PRKG1: variants seen among roughly 807,000 people sequenced by gnomAD.
PRKG1 encodes the protein protein kinase cGMP-dependent 1.
Under a neutral mutation model 88.1 loss-of-function variants are expected in PRKG1, and 35 were observed. The observed-to-expected ratio is 0.40, with a 90% CI of 0.30 to 0.53. The LOEUF is 0.53. PRKG1 is among the 20% of genes least tolerant of loss of function. PRKG1 has a pLI of 0.59. For missense variants in PRKG1, 540 were observed against 839.8 expected (o/e 0.64, Z 4.41); for synonymous variants, 303 against 292.5 (o/e 1.04, Z -0.37).
chr10:51,007,115 T>G (rs1056280923), intron 1 of PRKG1, among the ~76,000 whole-genome samples: 1 of 151,942 alleles, frequency 6.6e-6, no homozygotes, highest in Admixed American at 6.6e-5. Context: ...ATTTTTGTAT[T>G]TTTAGTAGAG....
chr10:51,561,002 T>C (rs552682120), intron 3 of PRKG1, among the ~76,000 whole-genome samples: 1 of 151,928 alleles, frequency 6.6e-6, no homozygotes, highest in East Asian at 1.9e-4. Flanking sequence ...ATCCTAGTGA[T>C]TTGGGAGTCT....
chr10:51,364,634 A>G (rs898410295), intron 2 of PRKG1, among the ~76,000 whole-genome samples: 8 of 152,006 alleles, frequency 5.3e-5, no homozygotes, highest in Admixed American at 5.3e-4. Context: ...GAAAATACCT[A>G]GCCAAGCTCA....
chr10:51,909,651 C>G (rs764669176), intron 5 of PRKG1: 1 of 152,060 alleles, frequency 6.6e-6, no homozygotes, highest in Non-Finnish European at 1.5e-5. Flanking sequence ...AGGCATAAGG[C>G]CTTGACTGAT....
intron 5 of PRKG1, among the ~76,000 whole-genome samples, chr10:51,929,767 A>G (rs893283752): frequency 6.6e-6 from 1 of 152,168 alleles, no homozygotes; most frequent in African/African-American, 2.4e-5. Context: ...GCTTCCTCTT[A>G]GAGGATACTA....
intron 4 of PRKG1, among the ~76,000 whole-genome samples, chr10:51,853,734 A>G (rs1168351550): frequency 6.6e-6 from 1 of 152,110 alleles, no homozygotes; most frequent in Non-Finnish European, 1.5e-5. Context: ...CATCATATAT[A>G]TTTATTACCA....
chr10:52,171,125 GTTTTTTTTTTTTT>G (rs768183110), intron 9 of PRKG1, among the ~76,000 whole-genome samples: 1 of 79,954 alleles, frequency 1.3e-5, no homozygotes, highest in Non-Finnish European at 4.1e-5. Context: ...TTATTGGTGT[GTTTTTTTTTTTTT>G]TGGTTTTGTT....
intron 7 of PRKG1, among the ~76,000 whole-genome samples, chr10:52,065,285 A>C (rs1846329763): frequency 6.6e-6 from 1 of 152,146 alleles, no homozygotes; most frequent in African/African-American, 2.4e-5. Context: ...ACAACCAATA[A>C]ACATTTATTT....
At chr10:51,625,479 TA>T (rs935069822) in intron 3 of PRKG1, among the ~76,000 whole-genome samples, 8 of 151,704 alleles carry the variant, frequency 5.3e-5, no homozygotes, top group African/African-American at 1.9e-4. Flanking sequence ...TCTGTCTCAA[TA>T]AAAAAGAAAG....
intron 3 of PRKG1, among the ~76,000 whole-genome samples, chr10:51,566,331 G>A (rs921986416): frequency 3.3e-5 from 5 of 152,052 alleles, no homozygotes; most frequent in African/African-American, 7.2e-5. Flanking sequence ...TGGGCCTGCA[G>A]CAAAGACTTC....
intron 2 of PRKG1, among the ~76,000 whole-genome samples, chr10:51,342,689 A>G (rs1842027508): frequency 6.6e-6 from 1 of 152,206 alleles, no homozygotes; most frequent in Non-Finnish European, 1.5e-5. Context: ...TTTAAATTAT[A>G]CAATAGACTT....
intron 2 of PRKG1, among the ~76,000 whole-genome samples, chr10:51,215,039 C>T (rs1171184525): frequency 2.0e-5 from 3 of 152,090 alleles, no homozygotes; most frequent in East Asian, 1.9e-4. Flanking sequence ...ACAGCGTGGG[C>T]GGCTAACTTC....
intron 5 of PRKG1, among the ~76,000 whole-genome samples, chr10:52,002,725 A>C (rs1844630874): frequency 6.6e-6 from 1 of 152,202 alleles, no homozygotes; most frequent in East Asian, 1.9e-4. Context: ...TAATACATCA[A>C]GATATAAATG....
intron 3 of PRKG1, among the ~76,000 whole-genome samples, chr10:51,503,756 G>A (rs1025132756): frequency 1.1e-4 from 16 of 152,094 alleles, no homozygotes; most frequent in Admixed American, 1.0e-3. Flanking sequence ...ACTTGAAAGA[G>A]CTTTATTTTT....
chr10:51,560,824 A>G (rs1214049179), intron 3 of PRKG1, among the ~76,000 whole-genome samples: 1 of 152,172 alleles, frequency 6.6e-6, no homozygotes, highest in African/African-American at 2.4e-5. Context: ...GTGACCAGAT[A>G]GAAATGTATA....
rs536750442 is a variant in PRKG1 at position 51,161,807 on chromosome 10, A to AT, written c.478+8484dup. 2.2e-4 allele frequency among the ~76,000 whole-genome samples: 34 copies of AT among 152,278 alleles called. 2 individuals are homozygous for AT. The South Asian group carries it at 6.6e-3, about 30-fold the overall frequency. ...GGCAGATTGGAAACTTTAAAAGTGT[A>AT]TTTTTTTGGTAAAAATTAGAAACAA... On this transcript the variant is annotated intron_variant, in intron 2 of 17. Coordinates refer to ENST00000373980, the MANE Select transcript of PRKG1 (RefSeq NM_006258.4).
chr10:52,104,186 G>T (rs1170451803), intron 7 of PRKG1, among the ~76,000 whole-genome samples: 1 of 151,448 alleles, frequency 6.6e-6, no homozygotes. Context: ...CTTATTTTAT[G>T]TACATAGGAA....
At chr10:51,503,613 T>G (rs916845886) in intron 3 of PRKG1, among the ~76,000 whole-genome samples, 1 of 152,192 alleles carries the variant, frequency 6.6e-6, no homozygotes, top group Non-Finnish European at 1.5e-5. Context: ...GGCCTTTGCC[T>G]ACATGTAACT....
chr10:51,631,536 A>T (rs765229905), intron 3 of PRKG1, among the ~76,000 whole-genome samples: 1 of 152,196 alleles, frequency 6.6e-6, no homozygotes, highest in Non-Finnish European at 1.5e-5. Context: ...TTTTGATATG[A>T]GTCTACAAGC....
chr10:51,981,398 A>C (rs1336101517), intron 5 of PRKG1, among the ~76,000 whole-genome samples: 1 of 152,122 alleles, frequency 6.6e-6, no homozygotes, highest in Non-Finnish European at 1.5e-5. Flanking sequence ...CCAGCTGGCC[A>C]ACATGGTGAA....
Sources: gnomAD v4.1 joint callset for allele counts (sites outside exome capture counted in the v4.1 genomes callset) on GRCh38, gnomAD v4.1.1 for gene constraint, MANE v1.5 for transcripts, NCBI Gene and HGNC (gene_info 2026-07-23, HGNC 2026-07-21) for gene names.